The following TMPO variants were observed in gnomAD, a reference collection of about 807,000 sequenced individuals.
The protein encoded by TMPO is LEM domain containing 4.
TMPO carries 22 observed loss-of-function variants against 45.4 expected under a neutral mutation model. That is an observed-to-expected ratio of 0.48 (90% CI 0.35 to 0.69). The LOEUF (loss-of-function observed/expected upper bound fraction) is 0.69, where lower values mean the gene tolerates loss of function less well. Among genes scored for constraint, TMPO ranks in the 30% least tolerant of loss-of-function variants. TMPO has a pLI of 0.01. For synonymous variants in TMPO, 241 were observed against 204.1 expected, an observed-to-expected ratio of 1.18 and a Z score of -1.54; for missense variants, 512 against 548.8, an observed-to-expected ratio of 0.93 and a Z score of 0.67.
chr12:98,533,891 C>G, intron 3 of TMPO: 1 of 1,614,194 alleles, frequency 6.2e-7, no homozygotes, highest in Non-Finnish European at 8.5e-7. Context: ...GGGTTTATTT[C>G]TGAAGCCACT....
At chr12:98,540,077 T>C (rs1384223684) in intron 4 of TMPO, among the ~76,000 whole-genome samples, 1 of 152,260 alleles carries the variant, frequency 6.6e-6, no homozygotes. Flanking sequence ...CTCAAGTCTG[T>C]AGCTGTTACC....
chr12:98,543,250 A>G (rs1878031064), intron 4 of TMPO, among the ~76,000 whole-genome samples: 2 of 152,264 alleles, frequency 1.3e-5, no homozygotes. Context: ...AAGTGACAAC[A>G]GAAGGACACT....
At chr12:98,519,713 C>T (rs1876183861) in intron 1 of TMPO, among the ~76,000 whole-genome samples, 1 of 152,102 alleles carries the variant, frequency 6.6e-6, no homozygotes, top group Admixed American at 6.5e-5. Context: ...TATTGGTAGT[C>T]AGCGTCATTT....
chr12:98,531,714 G>A lies in TMPO; in HGVS notation c.441G>A (p.Leu147=), dbSNP rs2121195450. 1 of 1,613,154 alleles carries A rather than the reference G, an allele frequency of 6.2e-7. No homozygotes were observed. Among genetic ancestry groups the A allele is most frequent in the Admixed American group, 1.7e-5 (1 of 59,996 alleles). Reference sequence around the variant, plus strand: ...GGAAGCTATATGAGAAAAAGCTTTTGAAACTGAGGGAACAAGGAACAGAAT... The same window carrying A: ...GGAAGCTATATGAGAAAAAGCTTTTAAAACTGAGGGAACAAGGAACAGAAT... ...TTRKLYEKKL[L]KLREQGTESR... The change falls in exon 3 of 9, where the codon TTG becomes TTA. Residue 147 remains leucine (L), a synonymous_variant. Coordinates refer to ENST00000556029, the MANE Select transcript of TMPO (RefSeq NM_001032283.3).
chr12:98,547,636 G>T lies in TMPO; in HGVS notation c.1143G>T (p.Arg381Ser), dbSNP rs373609093. 8.1e-6 allele frequency: 13 copies of T among 1,614,064 alleles called. No homozygotes were observed. The highest frequency in any genetic ancestry group is 1.1e-5 in the Non-Finnish European group (13 of 1,180,030). Residue 381 changes from arginine (R) to serine (S), a missense_variant, in exon 9 of 9, where the codon AGG becomes AGT. By Grantham distance (110) the Arg-to-Ser change is moderately radical (BLOSUM62 -1). Transcript: ENST00000556029. The stretch of plus-strand genomic sequence containing the variant: ...GGCCATTAGAACTCAGTGATTTCAG[G>T]ATGGAGGAGTCTTTTTCATCTAAAT... ...AGRPLELSDF[R>S]MEESFSSKYV...
In TMPO at chr12:98,516,123, C is replaced by G. The variant is rs1875778307; in HGVS notation, c.256C>G (p.Arg86Gly). The G allele has an allele frequency of 4.0e-6, 6 of 1,488,128 alleles. No individual in the cohort carries two copies. Among genetic ancestry groups the G allele is most frequent in the Non-Finnish European group, 4.4e-6 (5 of 1,129,290 alleles). The allele number at this position is 1,488,128 out of a possible 1,614,324, so 92.2% of individuals were successfully genotyped here. ...VLGSGAAAAG[R>G]SRAAVGRKAT... ...CGGCTCTGGGGCCGCCGCCGCGGGCCGGAGCCGAGCAGCCGTCGGCAGGGT... is the reference window on the plus strand; with the variant it reads ...CGGCTCTGGGGCCGCCGCCGCGGGCGGGAGCCGAGCAGCCGTCGGCAGGGT... Residue 86 changes from arginine (R) to glycine (G), a missense_variant, in exon 1 of 9, where the codon CGG (arginine) becomes GGG (glycine). Physicochemically the swap from Arg to Gly is moderately radical, Grantham distance 125. This residue lies in a region of TMPO where 299 missense variants were observed against 296.7 expected (regional missense o/e 1.01). Coordinates refer to ENST00000556029, the MANE Select transcript of TMPO (RefSeq NM_001032283.3).
intron 7 of TMPO, 69 bp from the exon 8 acceptor site, chr12:98,546,290 A>G: frequency 9.8e-7 from 1 of 1,019,472 alleles, no homozygotes; most frequent in East Asian, 2.4e-5. Context: ...CTTACTATTT[A>G]TGTTTTAATT....
At chr12:98,532,744 T>G (rs1877283033) in intron 3 of TMPO, 2 of 1,608,942 alleles carry the variant, frequency 1.2e-6, no homozygotes, top group Non-Finnish European at 1.7e-6. Flanking sequence ...GACAGCACTA[T>G]TTTTAGCAAA....
At chr12:98,526,051 T>C (rs964566498) in intron 1 of TMPO, among the ~76,000 whole-genome samples, 4 of 152,226 alleles carry the variant, frequency 2.6e-5, no homozygotes, top group Non-Finnish European at 5.9e-5. Context: ...CCTTTTTATT[T>C]GTTCAACCTT....
At chr12:98,521,066 A>G (rs927894976) in intron 1 of TMPO, among the ~76,000 whole-genome samples, 6 of 145,026 alleles carry the variant, frequency 4.1e-5, no homozygotes, top group African/African-American at 1.5e-4. Flanking sequence ...ATTTGCATGC[A>G]TATACCTTCT....
intron 1 of TMPO, 118 bp from the exon 2 acceptor site, chr12:98,527,768 C>A: frequency 8.9e-7 from 1 of 1,119,828 alleles, no homozygotes; most frequent in Non-Finnish European, 1.3e-6. Flanking sequence ...ATTGCTAAGG[C>A]CTAATATTAC....
chr12:98,524,874 A>G (rs1876649651), intron 1 of TMPO, among the ~76,000 whole-genome samples: 1 of 152,196 alleles, frequency 6.6e-6, no homozygotes, highest in Non-Finnish European at 1.5e-5. Context: ...GATTACAGGC[A>G]TGAGCCACTG....
At chr12:98,519,485 G>A (rs1311259411) in intron 1 of TMPO, among the ~76,000 whole-genome samples, 2 of 152,156 alleles carry the variant, frequency 1.3e-5, no homozygotes, top group Non-Finnish European at 1.5e-5. Flanking sequence ...AAGGATGAGC[G>A]ACGGCACCCA....
chr12:98,517,014 T>A (rs1875898093), intron 1 of TMPO, among the ~76,000 whole-genome samples: 1 of 152,174 alleles, frequency 6.6e-6, no homozygotes. Context: ...TTTCTCCAAG[T>A]TGGTCAGGCT....
At position 98,515,847 on chromosome 12, in the gene TMPO, G is replaced by C. The variant is rs781207188; in HGVS notation, c.-21G>C. The C allele has an allele frequency of 6.2e-7, 1 of 1,604,638 alleles. No individual in the cohort carries two copies. The highest frequency in any genetic ancestry group is 1.7e-5 in the Admixed American group (1 of 58,948). On this transcript the variant is annotated 5_prime_UTR_variant, in exon 1 of 9. Coordinates refer to ENST00000556029, the MANE Select transcript of TMPO (RefSeq NM_001032283.3). ...CGGCGGCGGCAAAGGCTGTGGGGAGGGGGCTTCGCAGATCCCCGAGATGCC... is the reference window on the plus strand; with the variant it reads ...CGGCGGCGGCAAAGGCTGTGGGGAGCGGGCTTCGCAGATCCCCGAGATGCC...
At chr12:98,542,592 T>A in intron 4 of TMPO, among the ~76,000 whole-genome samples, 1 of 152,188 alleles carries the variant, frequency 6.6e-6, no homozygotes. Context: ...CCAGGTGCAG[T>A]GGCTCACACC....
At chr12:98,522,183 ATTTTTAAAATTT>A (rs1876423931) in intron 1 of TMPO, among the ~76,000 whole-genome samples, 1 of 152,116 alleles carries the variant, frequency 6.6e-6, no homozygotes, top group Non-Finnish European at 1.5e-5. Context: ...TGCCTAGCTG[ATTTTTAAAATTT>A]TTATAGAGAT....
At chr12:98,533,914 A>G (rs771808300) in intron 3 of TMPO, 2 of 1,614,168 alleles carry the variant, frequency 1.2e-6, no homozygotes, top group South Asian at 2.2e-5. Flanking sequence ...ACTAGGAGGT[A>G]TTCAAGCAGC....
rs1464689689 is a variant in TMPO at position 98,516,086 on chromosome 12, C to G, written c.219C>G (p.Pro73=). The part of the protein sequence containing the change: ...PDFSSDEERE[P]TPVLGSGAAA... Reference sequence around the variant, plus strand: ...TCTCCAGTGACGAAGAGCGCGAGCCCACCCCGGTCCTCGGCTCTGGGGCCG... The same window carrying G: ...TCTCCAGTGACGAAGAGCGCGAGCCGACCCCGGTCCTCGGCTCTGGGGCCG... The change falls in exon 1 of 9, where the codon CCC becomes CCG. Residue 73 remains proline (P), a synonymous_variant. Transcript: ENST00000556029. 1.3e-6 allele frequency: 2 copies of G among 1,595,104 alleles called. No homozygotes were observed. The highest frequency in any genetic ancestry group is 1.7e-6 in the Non-Finnish European group (2 of 1,174,386).
Sources: gnomAD v4.1 joint callset for allele counts (sites outside exome capture counted in the v4.1 genomes callset) on GRCh38, gnomAD v4.1.1 for gene constraint, gnomAD v4.1.1 regional missense constraint, MANE v1.5 for transcripts, NCBI Gene and HGNC (gene_info 2026-07-23, HGNC 2026-07-21) for gene names.